The following ST6GALNAC3 variants were observed in gnomAD, a reference collection of about 807,000 sequenced individuals.
ST6GALNAC3 encodes alpha-N-acetylgalactosaminide alpha-2,6-sialyltransferase 3.
In ST6GALNAC3, 25 loss-of-function variants were observed where a neutral mutation model predicts 32.7. The observed-to-expected ratio is 0.76, with a 90% CI of 0.56 to 1.07. ST6GALNAC3 has a LOEUF of 1.07. Ranked by LOEUF, ST6GALNAC3 falls within the 50% of genes least tolerant of loss-of-function variation. The probability of loss-of-function intolerance (pLI) is 0.00; values close to 1 mark genes in which losing one functional copy is unlikely to be tolerated. For missense variants in ST6GALNAC3, 355 were observed against 382.4 expected, an observed-to-expected ratio of 0.93 and a Z score of 0.60; for synonymous variants, 129 against 133.1, an observed-to-expected ratio of 0.97 and a Z score of 0.21.
At chr1:76,196,434 T>G (rs921202164) in intron 1 of ST6GALNAC3, among the ~76,000 whole-genome samples, 9 of 151,764 alleles carry the variant, frequency 5.9e-5, no homozygotes, top group Non-Finnish European at 1.5e-5. Context: ...TAGATACAAC[T>G]CATATAAGCA....
At chr1:76,462,483 C>A (rs189997757) in intron 3 of ST6GALNAC3, among the ~76,000 whole-genome samples, 1 of 151,908 alleles carries the variant, frequency 6.6e-6, no homozygotes, top group African/African-American at 2.4e-5. Context: ...GAGATCTTAC[C>A]CATTAGTAGG....
At chr1:76,200,871 A>G (rs1048594278) in intron 1 of ST6GALNAC3, among the ~76,000 whole-genome samples, 2 of 151,960 alleles carry the variant, frequency 1.3e-5, no homozygotes, top group African/African-American at 4.8e-5. Flanking sequence ...AGGAGGCAGG[A>G]TGGAGTGGGG....
At chr1:76,595,583 A>AGG (rs1647122429) in intron 3 of ST6GALNAC3, among the ~76,000 whole-genome samples, 1 of 152,170 alleles carries the variant, frequency 6.6e-6, no homozygotes, top group Non-Finnish European at 1.5e-5. Flanking sequence ...AATCATTTCA[A>AGG]GTCCCTGAAA....
At position 76,314,964 on chromosome 1, in the gene ST6GALNAC3, T is replaced by C. The variant is rs544293895; in HGVS notation, c.213+965T>C. On this transcript the variant is annotated intron_variant, in intron 2 of 4. Coordinates refer to ENST00000328299, the MANE Select transcript of ST6GALNAC3 (RefSeq NM_152996.4). ...TAGCATTCTGGGAGGATGCTAAGCTTGGTCTACCCCCTTTTGTAGTCAATC... is the reference window on the plus strand; with the variant it reads ...TAGCATTCTGGGAGGATGCTAAGCTCGGTCTACCCCCTTTTGTAGTCAATC... Among the ~76,000 whole-genome samples the C allele has an allele frequency of 2.0e-5, 3 of 152,278 alleles. No homozygotes were observed. In the South Asian group the frequency reaches 6.2e-4, roughly 32 times the overall value.
intron 3 of ST6GALNAC3, among the ~76,000 whole-genome samples, chr1:76,443,888 T>C (rs1656786428): frequency 6.6e-6 from 1 of 152,216 alleles, no homozygotes; most frequent in South Asian, 2.1e-4. Context: ...TTTCACTCTC[T>C]AGGAAACTCT....
intron 3 of ST6GALNAC3, among the ~76,000 whole-genome samples, chr1:76,500,681 A>C (rs1359345756): frequency 6.6e-6 from 1 of 152,176 alleles, no homozygotes; most frequent in East Asian, 1.9e-4. Context: ...TCTTTCCCAA[A>C]CAATAATCTT....
At chr1:76,513,792 T>C (rs890899339) in intron 3 of ST6GALNAC3, among the ~76,000 whole-genome samples, 2 of 152,206 alleles carry the variant, frequency 1.3e-5, no homozygotes, top group African/African-American at 2.4e-5. Flanking sequence ...TCTATAAATA[T>C]GTGATATCTT....
chr1:76,277,528 GTATATATATATATATATATATATA>G (rs370795804), intron 1 of ST6GALNAC3, among the ~76,000 whole-genome samples: 4 of 84,578 alleles, frequency 4.7e-5, no homozygotes, highest in African/African-American at 5.4e-5. Flanking sequence ...ATGTTTATGT[GTATATATATATATATATATATATA>G]TATATATATA....
At chr1:76,609,207 TATA>T (rs1275085413) in intron 3 of ST6GALNAC3, among the ~76,000 whole-genome samples, 1 of 152,204 alleles carries the variant, frequency 6.6e-6, no homozygotes, top group Non-Finnish European at 1.5e-5. Flanking sequence ...TTCATCTAGG[TATA>T]ATATTTCTGT....
At chr1:76,401,888 C>T (rs1171428027) in intron 2 of ST6GALNAC3, among the ~76,000 whole-genome samples, 3 of 152,176 alleles carry the variant, frequency 2.0e-5, no homozygotes, top group Non-Finnish European at 4.4e-5. Flanking sequence ...GCCCAACATG[C>T]TTCCAGAAAC....
At chr1:76,175,783 C>G (rs1374880228) in intron 1 of ST6GALNAC3, among the ~76,000 whole-genome samples, 1 of 145,326 alleles carries the variant, frequency 6.9e-6, no homozygotes, top group Non-Finnish European at 1.5e-5. Flanking sequence ...TTGGGGCAGA[C>G]CATTTGTCCT....
At position 76,154,803 on chromosome 1, in the gene ST6GALNAC3, G is replaced by A. The variant is rs567532611; in HGVS notation, c.18+79919G>A. Among the ~76,000 whole-genome samples the A allele has an allele frequency of 5.9e-5, 9 of 152,192 alleles. No individual in the cohort carries two copies. In the East Asian group the frequency reaches 1.7e-3, roughly 29 times the overall value. ...AGGGAGGATTTAAGACTGCATGCAG[G>A]CAAGGGAAATACAAGCCATATTTCA... On this transcript the variant is annotated intron_variant, in intron 1 of 4. Coordinates refer to ENST00000328299, the MANE Select transcript of ST6GALNAC3 (RefSeq NM_152996.4).
intron 2 of ST6GALNAC3, among the ~76,000 whole-genome samples, chr1:76,367,166 G>C (rs558984618): frequency 6.6e-6 from 1 of 152,280 alleles, no homozygotes; most frequent in East Asian, 1.9e-4. Flanking sequence ...AATTATGCTT[G>C]CAAGCTATAT....
At chr1:76,419,049 A>G (rs2101358901) in intron 3 of ST6GALNAC3, among the ~76,000 whole-genome samples, 1 of 151,576 alleles carries the variant, frequency 6.6e-6, no homozygotes, top group South Asian at 2.1e-4. Flanking sequence ...TCATGTGCAC[A>G]CACACACACA....
Position 76,083,513 on chromosome 1 carries a change from C to G in ST6GALNAC3, c.18+8629C>G, listed in dbSNP as rs1219888332. On this transcript the variant is annotated intron_variant, in intron 1 of 4. Transcript: ENST00000328299. ...TGGGGTGCAGAGGTCAGAGCTAGAC[C>G]GACTCTGAGTCCCATCCTGGCTTTG... 3.3e-5 allele frequency among the ~76,000 whole-genome samples: 5 copies of G among 152,282 alleles called. No individual in the cohort carries two copies. In the South Asian group the frequency reaches 1.0e-3, roughly 32 times the overall value.
intron 3 of ST6GALNAC3, among the ~76,000 whole-genome samples, chr1:76,467,598 A>G (rs1201578821): frequency 6.6e-6 from 1 of 151,980 alleles, no homozygotes; most frequent in Non-Finnish European, 1.5e-5. Flanking sequence ...TATGTGAAAA[A>G]GGGAGATAAA....
intron 3 of ST6GALNAC3, among the ~76,000 whole-genome samples, chr1:76,578,026 G>A (rs2100534813): frequency 6.6e-6 from 1 of 152,120 alleles, no homozygotes; most frequent in East Asian, 1.9e-4. Flanking sequence ...GAAATAACTT[G>A]CCCTAATTTA....
chr1:76,363,564 T>C (rs1306207924), intron 2 of ST6GALNAC3, among the ~76,000 whole-genome samples: 1 of 152,212 alleles, frequency 6.6e-6, no homozygotes, highest in African/African-American at 2.4e-5. Flanking sequence ...TTGTTTCATA[T>C]TCAGGTATCT....
rs527311193 is a variant in ST6GALNAC3 at position 76,169,448 on chromosome 1, T to TA, written c.18+94569dup. 2.2e-4 allele frequency among the ~76,000 whole-genome samples: 33 copies of TA among 152,276 alleles called. No homozygotes were observed. The East Asian group carries it at 5.0e-3, about 23-fold the overall frequency. ...GCTTGGGGATGATCTTTAGTATTAG[T>TA]AAAAAGAATTTTACTGGGGTTCTCT... On this transcript the variant is annotated intron_variant, in intron 1 of 4. Coordinates refer to ENST00000328299, the MANE Select transcript of ST6GALNAC3 (RefSeq NM_152996.4).
Sources: gnomAD v4.1 joint callset for allele counts (sites outside exome capture counted in the v4.1 genomes callset) on GRCh38, gnomAD v4.1.1 for gene constraint, MANE v1.5 for transcripts, NCBI Gene and HGNC (gene_info 2026-07-23, HGNC 2026-07-21) for gene names.